The following TENM4 variants were observed in gnomAD, a reference collection of about 807,000 sequenced individuals.
TENM4 encodes teneurin transmembrane protein 4.
A neutral mutation model predicts 243.3 loss-of-function variants in TENM4; 82 were observed. The observed-to-expected ratio is 0.34, with a 90% CI of 0.28 to 0.40. The LOEUF (loss-of-function observed/expected upper bound fraction) is 0.40, where lower values mean the gene tolerates loss of function less well. Among genes scored for constraint, TENM4 ranks in the 10% least tolerant of loss-of-function variants. TENM4 has a pLI of 1.00. For missense variants in TENM4, 3,138 were observed against 3,673.3 expected, an observed-to-expected ratio of 0.85 and a Z score of 3.77; for synonymous variants, 1,412 against 1,456.3, an observed-to-expected ratio of 0.97 and a Z score of 0.69.
intron 1 of TENM4, among the ~76,000 whole-genome samples, chr11:79,387,278 G>GA (rs1232353168): frequency 1.3e-5 from 2 of 152,156 alleles, no homozygotes; most frequent in Admixed American, 6.5e-5. Flanking sequence ...TGGGAGGGGG[G>GA]ATCACATTCT....
intron 12 of TENM4, among the ~76,000 whole-genome samples, chr11:78,815,592 C>T (rs981090509): frequency 6.6e-6 from 1 of 152,160 alleles, no homozygotes; most frequent in Non-Finnish European, 1.5e-5. Context: ...TTTGTAGCTC[C>T]TGTTGGTAAA....
At chr11:78,912,063 A>T (rs937526278) in intron 6 of TENM4, among the ~76,000 whole-genome samples, 19 of 152,288 alleles carry the variant, frequency 1.2e-4, no homozygotes, top group East Asian at 7.7e-4. Flanking sequence ...AGGGCATTCT[A>T]GGTAGGGGCC....
chr11:79,428,817 T>C (rs1454205843), intron 1 of TENM4, among the ~76,000 whole-genome samples: 1 of 152,196 alleles, frequency 6.6e-6, no homozygotes, highest in Admixed American at 6.5e-5. Context: ...GTACATAAAT[T>C]ACTCAATATA....
At chr11:79,304,403 T>G (rs369805138) in intron 1 of TENM4, among the ~76,000 whole-genome samples, 14 of 152,314 alleles carry the variant, frequency 9.2e-5, no homozygotes, top group African/African-American at 2.6e-4. Context: ...TTGCTTGCAT[T>G]GCCACTGGAT....
At chr11:78,686,916 A>G (rs1381752301) in intron 29 of TENM4, among the ~76,000 whole-genome samples, 2 of 152,238 alleles carry the variant, frequency 1.3e-5, no homozygotes, top group East Asian at 3.8e-4. Flanking sequence ...AAGAATATAC[A>G]GACATTTATT....
At chr11:78,689,809 C>A (rs930084518) in intron 28 of TENM4, among the ~76,000 whole-genome samples, 48 of 152,348 alleles carry the variant, frequency 3.2e-4, no homozygotes, top group African/African-American at 1.1e-3. Flanking sequence ...ATCTAACAGT[C>A]CCTGGCACAC....
intron 15 of TENM4, among the ~76,000 whole-genome samples, chr11:78,795,559 T>A (rs1857143519): frequency 6.6e-6 from 1 of 152,204 alleles, no homozygotes; most frequent in Admixed American, 6.5e-5. Context: ...ATACTGAGCA[T>A]CTACTATGTG....
At chr11:78,676,929 C>A (rs1157506921) in intron 29 of TENM4, among the ~76,000 whole-genome samples, 1 of 152,148 alleles carries the variant, frequency 6.6e-6, no homozygotes, top group Non-Finnish European at 1.5e-5. Context: ...TATGAAATGT[C>A]CAGAATAGGC....
At chr11:78,952,441 TAACAGCTGG>T in intron 6 of TENM4, among the ~76,000 whole-genome samples, 1 of 152,136 alleles carries the variant, frequency 6.6e-6, no homozygotes. Context: ...CTTTGAGAGG[TAACAGCTGG>T]AACAACGTGA....
chr11:78,971,558 C>T (rs1183511336), intron 6 of TENM4, among the ~76,000 whole-genome samples: 1 of 152,178 alleles, frequency 6.6e-6, no homozygotes, highest in Non-Finnish European at 1.5e-5. Flanking sequence ...ACCTCGGCCT[C>T]CCAAAGTGCT....
chr11:78,920,461 A>G (rs1856423764), intron 6 of TENM4, among the ~76,000 whole-genome samples: 2 of 152,200 alleles, frequency 1.3e-5, no homozygotes, highest in South Asian at 2.1e-4. Flanking sequence ...GAGCAGCTGC[A>G]CCGCTGAGCC....
chr11:79,009,944 C>T (rs778658729), intron 6 of TENM4, among the ~76,000 whole-genome samples: 6 of 152,174 alleles, frequency 3.9e-5, no homozygotes, highest in Admixed American at 1.3e-4. Flanking sequence ...TCATGCTGTT[C>T]TTGTGATAGT....
intron 9 of TENM4, among the ~76,000 whole-genome samples, chr11:78,876,939 C>T (rs1006512194): frequency 1.3e-5 from 2 of 152,234 alleles, no homozygotes; most frequent in Admixed American, 1.3e-4. Flanking sequence ...TTACTCCACA[C>T]CTACTATGGG....
rs944768628 is a variant in TENM4, at chr11:78,903,364, T to C, written c.653A>G (p.His218Arg). ...RSNPSPAPTD[H>R]SLSGEPPAGG... The stretch of plus-strand genomic sequence containing the variant: ...GGCAGGGGGCTCTCCGGAGAGCGAG[T>C]GGTCCGTGGGGGCCGGGCTGGGGTT... The change falls in exon 7 of 34, where the codon CAC (histidine) becomes CGC (arginine). Residue 218 changes from histidine to arginine, a missense_variant. Physicochemically the swap from His to Arg is conservative, Grantham distance 29. Transcript: ENST00000278550. 14 of 1,496,314 alleles carry C rather than the reference T, an allele frequency of 9.4e-6. No homozygotes were observed. The highest frequency in any genetic ancestry group is 8.7e-5 in the African/African-American group (6 of 69,204). 92.7% of individuals were successfully genotyped at this position (1,496,314 alleles called of 1,614,324 possible).
rs1382073617 is a variant in TENM4, at chr11:78,653,321, A to C, written c.*4737T>G. ...GTCTTTATTTGTCAACGAAGGCTAC[A>C]CGGGATCACTTCTGGTTTTGTTTTT... On this transcript the variant is annotated 3_prime_UTR_variant, in exon 34 of 34. Coordinates refer to ENST00000278550, the MANE Select transcript of TENM4 (RefSeq NM_001098816.3). The C allele has an allele frequency of 6.6e-6, 1 of 151,984 alleles. No homozygotes were observed. The highest frequency in any genetic ancestry group is 1.5e-5 in the Non-Finnish European group (1 of 67,976). The allele number at this position is 151,984 out of a possible 1,614,324, so 9.4% of individuals were successfully genotyped here. A position where few individuals can be genotyped will look rare whatever the true frequency, so the allele number is the denominator to read the frequency against.
chr11:78,837,543 A>G lies in TENM4; in HGVS notation c.1681+16561T>C, dbSNP rs375873068. Reference sequence around the variant, plus strand: ...TAGATCCACTGGACTCCAGTGATCAACCTGATGAACCTTCTCCTGACCATA... The same window carrying G: ...TAGATCCACTGGACTCCAGTGATCAGCCTGATGAACCTTCTCCTGACCATA... On this transcript the variant is annotated intron_variant, in intron 12 of 33. Coordinates refer to ENST00000278550, the MANE Select transcript of TENM4 (RefSeq NM_001098816.3). 1.0e-3 allele frequency among the ~76,000 whole-genome samples: 158 copies of G among 152,342 alleles called. 1 individual carries two copies. The South Asian group carries it at 0.014, about 14-fold the overall frequency.
At chr11:78,990,893 G>A (rs1417073155) in intron 6 of TENM4, among the ~76,000 whole-genome samples, 1 of 152,174 alleles carries the variant, frequency 6.6e-6, no homozygotes, top group Non-Finnish European at 1.5e-5. Flanking sequence ...ACTACCATGT[G>A]TTAACTTGCA....
chr11:79,355,322 C>T (rs1857477739), intron 1 of TENM4, among the ~76,000 whole-genome samples: 1 of 152,154 alleles, frequency 6.6e-6, no homozygotes, highest in African/African-American at 2.4e-5. Flanking sequence ...CACCTGAGGT[C>T]AGGAGTTCAA....
At chr11:78,904,244 C>T (rs1397732322) in intron 6 of TENM4, among the ~76,000 whole-genome samples, 3 of 150,790 alleles carry the variant, frequency 2.0e-5, no homozygotes, top group Non-Finnish European at 4.4e-5. Flanking sequence ...CCTGTAGTCC[C>T]AGCTGCTCAG....
Sources: allele counts gnomAD v4.1 joint callset (sites outside exome capture counted in the v4.1 genomes callset), GRCh38; gene constraint gnomAD v4.1.1; transcripts MANE v1.5; gene names NCBI Gene and HGNC (gene_info 2026-07-23, HGNC 2026-07-21).